The following PMEPA1 variants were observed in gnomAD, a reference collection of about 807,000 sequenced individuals.
PMEPA1 encodes the protein prostate transmembrane protein, androgen induced 1.
PMEPA1 carries 11 observed loss-of-function variants against 23.0 expected under a neutral mutation model. That is an observed-to-expected ratio of 0.48 (90% confidence interval 0.30 to 0.79). The LOEUF (loss-of-function observed/expected upper bound fraction) is 0.79. Among genes scored for constraint, PMEPA1 ranks in the 30% least tolerant of loss-of-function variants. The probability of loss-of-function intolerance (pLI) is 0.06; values close to 1 mark genes in which losing one functional copy is unlikely to be tolerated. For missense variants in PMEPA1, 377 were observed against 390.9 expected, an observed-to-expected ratio of 0.96 and a Z score of 0.30; for synonymous variants, 204 against 166.4, an observed-to-expected ratio of 1.23 and a Z score of -1.74.
At chr20:57,679,436 G>T (rs1016916529) in intron 1 of PMEPA1, among the ~76,000 whole-genome samples, 2 of 152,198 alleles carry the variant, frequency 1.3e-5, no homozygotes, top group African/African-American at 4.8e-5. Context: ...AACGATTCAG[G>T]TATCATTTTC....
chr20:57,651,923 A>C lies in PMEPA1; in HGVS notation c.*130T>G. 7 of 608,614 alleles carry C rather than the reference A, an allele frequency of 1.2e-5. No individual in the cohort carries two copies. The East Asian group carries it at 2.1e-4, about 19-fold the overall frequency. 37.7% of individuals were successfully genotyped at this position (608,614 alleles called of 1,614,324 possible). On this transcript the variant is annotated 3_prime_UTR_variant, in exon 4 of 4. Transcript: ENST00000341744. ...ACATCACATGTAAATATTTATACAC[A>C]GGGAGGTGGGAGGGGAGGGCCACAC...
intron 1 of PMEPA1, among the ~76,000 whole-genome samples, chr20:57,669,216 G>A (rs1372764942): frequency 6.6e-6 from 1 of 151,970 alleles, no homozygotes; most frequent in Non-Finnish European, 1.5e-5. Context: ...AGGCTGGAGT[G>A]CAGTGGTGCA....
chr20:57,709,422 T>G, intron 1 of PMEPA1, 52 bp downstream of exon 1: 11 of 1,046,448 alleles, frequency 1.1e-5, no homozygotes, highest in South Asian at 8.0e-5. Context: ...TGCCCCGACA[T>G]AGGGTCCGAG....
At chr20:57,678,165 GAC>G (rs2071664359) in intron 1 of PMEPA1, among the ~76,000 whole-genome samples, 1 of 152,238 alleles carries the variant, frequency 6.6e-6, no homozygotes, top group East Asian at 1.9e-4. Flanking sequence ...CACACACACA[GAC>G]ACACACACTC....
intron 2 of PMEPA1, among the ~76,000 whole-genome samples, chr20:57,653,336 AAAAC>A (rs1184850859): frequency 1.3e-5 from 2 of 152,114 alleles, no homozygotes; most frequent in African/African-American, 4.8e-5. Context: ...GACACTTTCC[AAAAC>A]ATACACCCAC....
At chr20:57,684,189 T>C (rs573486882) in intron 1 of PMEPA1, among the ~76,000 whole-genome samples, 3 of 152,000 alleles carry the variant, frequency 2.0e-5, no homozygotes, top group African/African-American at 4.8e-5. Flanking sequence ...GGAGGGCAGA[T>C]TGATGACTGC....
chr20:57,693,360 C>G (rs1432529309), intron 1 of PMEPA1, among the ~76,000 whole-genome samples: 1 of 152,232 alleles, frequency 6.6e-6, no homozygotes, highest in Non-Finnish European at 1.5e-5. Flanking sequence ...CCCCCTAGTT[C>G]TTGTAGGATG....
upstream of PMEPA1, chr20:57,710,099 C>T (rs1295152462): frequency 2.2e-6 from 2 of 892,876 alleles, no homozygotes; most frequent in Admixed American, 5.7e-5. Context: ...GCCGAGGTTC[C>T]CCCGCACCCC....
rs1793320308 is a variant in PMEPA1, at chr20:57,652,715, G to C, written c.319-117C>G. 1.0e-6 allele frequency: 1 copy of C among 978,390 alleles called. No homozygotes were observed. Among genetic ancestry groups the C allele is most frequent in the Non-Finnish European group, 1.5e-6 (1 of 682,508 alleles). The allele number at this position is 978,390 out of a possible 1,614,324, so 60.6% of individuals were successfully genotyped here. A position where few individuals can be genotyped will look rare whatever the true frequency, so the allele number is the denominator to read the frequency against. The stretch of plus-strand genomic sequence containing the variant: ...CTTGGCTCTCTGGGGAAAGGGAGAG[G>C]GCAGCAGGGCTGGCGGGGGCGGGAG... On this transcript the variant is annotated intron_variant, in intron 3 of 3. Coordinates refer to ENST00000341744, the MANE Select transcript of PMEPA1 (RefSeq NM_020182.5). The surrounding 1 kb of genome is among the most constrained non-coding windows in gnomAD (Gnocchi z 6.1).
chr20:57,709,777 G>A lies in PMEPA1; in HGVS notation c.-195C>T, dbSNP rs1192190095. 6 of 981,694 alleles carry A rather than the reference G, an allele frequency of 6.1e-6. No individual in the cohort carries two copies. In the African/African-American group the frequency reaches 8.8e-5, roughly 14 times the overall value. The allele number at this position is 981,694 out of a possible 1,614,324, so 60.8% of individuals were successfully genotyped here. ...TCAGTGCGCGGGACCGCGCTCCGCTGCGCCCCCCCGGCCTCCCCTCGGCAG... is the reference window on the plus strand; with the variant it reads ...TCAGTGCGCGGGACCGCGCTCCGCTACGCCCCCCCGGCCTCCCCTCGGCAG... On this transcript the variant is annotated 5_prime_UTR_variant, in exon 1 of 4. Coordinates refer to ENST00000341744, the MANE Select transcript of PMEPA1 (RefSeq NM_020182.5).
chr20:57,685,002 T>C (rs890164987), intron 1 of PMEPA1, among the ~76,000 whole-genome samples: 4 of 151,950 alleles, frequency 2.6e-5, no homozygotes, highest in African/African-American at 9.7e-5. Context: ...TGCCTTCATT[T>C]AAGGAGAGGA....
chr20:57,690,188 C>T (rs2071858197), intron 1 of PMEPA1, among the ~76,000 whole-genome samples: 1 of 152,248 alleles, frequency 6.6e-6, no homozygotes, highest in Non-Finnish European at 1.5e-5. Context: ...CCTCTGCCAG[C>T]TGGGCTGACA....
Position 57,651,570 on chromosome 20 carries a change from CTTTT to C in PMEPA1, c.*479_*482del, listed in dbSNP as rs11481842. On this transcript the variant is annotated 3_prime_UTR_variant, in exon 4 of 4. Coordinates refer to ENST00000341744, the MANE Select transcript of PMEPA1 (RefSeq NM_020182.5). ...TTTCCTCTTCTAGTTCAGAAAACAA[CTTTT>C]TTTTTTAATAGGCCTCTTCTAATAC... 3.3e-5 allele frequency: 5 copies of C among 149,798 alleles called. No individual in the cohort carries two copies. Among genetic ancestry groups the C allele is most frequent in the African/African-American group, 1.2e-4 (5 of 40,796 alleles). The allele number at this position is 149,798 out of a possible 1,614,324, so 9.3% of individuals were successfully genotyped here.
In PMEPA1 at chr20:57,649,372, G is replaced by A. The variant is rs2071191322; in HGVS notation, c.*2681C>T. 1 of 152,178 alleles carries A rather than the reference G, an allele frequency of 6.6e-6. No homozygotes were observed. Among genetic ancestry groups the A allele is most frequent in the South Asian group, 2.1e-4 (1 of 4,828 alleles). The allele number at this position is 152,178 out of a possible 1,614,324, so 9.4% of individuals were successfully genotyped here. A position where few individuals can be genotyped will look rare whatever the true frequency, so the allele number is the denominator to read the frequency against. ...CTTGGGATGCGCCCAGCCTTTGAGA[G>A]GCCACTACCCCATGAACTTCTGCCA... On this transcript the variant is annotated 3_prime_UTR_variant, in exon 4 of 4. Transcript: ENST00000341744.
intron 1 of PMEPA1, among the ~76,000 whole-genome samples, chr20:57,677,428 C>T (rs966511127): frequency 1.3e-5 from 2 of 152,188 alleles, no homozygotes; most frequent in African/African-American, 2.4e-5. Context: ...AGCAAGAAAG[C>T]GCCTCGATGA....
At chr20:57,697,792 G>A (rs1334402580) in intron 1 of PMEPA1, among the ~76,000 whole-genome samples, 1 of 152,216 alleles carries the variant, frequency 6.6e-6, no homozygotes, top group Non-Finnish European at 1.5e-5. Flanking sequence ...AAACAACTCT[G>A]ATTACCCTCT....
chr20:57,709,422 T>A lies in PMEPA1; in HGVS notation c.109+52A>T, dbSNP rs2072134160. 3.8e-6 allele frequency: 4 copies of A among 1,046,448 alleles called. No homozygotes were observed. The East Asian group carries it at 2.9e-4, about 77-fold the overall frequency. 64.8% of individuals were successfully genotyped at this position (1,046,448 alleles called of 1,614,324 possible). On this transcript the variant is annotated intron_variant, in intron 1 of 3. Coordinates refer to ENST00000341744, the MANE Select transcript of PMEPA1 (RefSeq NM_020182.5). The stretch of plus-strand genomic sequence containing the variant: ...CCCCGCTCGCAGCTGTGCCCCGACA[T>A]AGGGTCCGAGCCCGATGGAGTCTCC...
intron 1 of PMEPA1, among the ~76,000 whole-genome samples, chr20:57,705,723 C>A (rs1046814830): frequency 2.6e-5 from 4 of 152,184 alleles, no homozygotes; most frequent in Non-Finnish European, 5.9e-5. Flanking sequence ...CCCTCAAGCC[C>A]CTTAGGAGAA....
chr20:57,698,182 T>C (rs200152749), intron 1 of PMEPA1, among the ~76,000 whole-genome samples: 49 of 152,252 alleles, frequency 3.2e-4, no homozygotes, highest in East Asian at 1.7e-3. Context: ...TAGGAGTGCA[T>C]TGAGCTGCGA....
Sources: allele counts gnomAD v4.1 joint callset (sites outside exome capture counted in the v4.1 genomes callset), GRCh38; gene constraint gnomAD v4.1.1; non-coding constraint Gnocchi (gnomAD v3.1); transcripts MANE v1.5; gene names NCBI Gene and HGNC (gene_info 2026-07-23, HGNC 2026-07-21).